Variants in ADGRB3 observed in about 807,000 individuals in gnomAD.
ADGRB3 encodes adhesion G protein-coupled receptor B3.
ADGRB3 carries 37 observed loss-of-function variants against 193.4 expected under a neutral mutation model. The observed-to-expected ratio is 0.19, with a 90% CI of 0.15 to 0.25. ADGRB3 has a LOEUF of 0.25. Among genes scored for constraint, ADGRB3 ranks in the 10% least tolerant of loss-of-function variants. ADGRB3 has a pLI of 1.00. For synonymous variants in ADGRB3, 690 were observed against 644.2 expected, an observed-to-expected ratio of 1.07 and a Z score of -1.08; for missense variants, 1,637 against 1,852.9, an observed-to-expected ratio of 0.88 and a Z score of 2.14.
chr6:69,156,971 G>C (rs897081613), intron 17 of ADGRB3, among the ~76,000 whole-genome samples: 1 of 152,188 alleles, frequency 6.6e-6, no homozygotes, highest in Non-Finnish European at 1.5e-5. Flanking sequence ...GCCTGAGCTT[G>C]CAAGTCAGAG....
At chr6:68,849,976 C>T (rs1163274373) in intron 3 of ADGRB3, among the ~76,000 whole-genome samples, 1 of 147,626 alleles carries the variant, frequency 6.8e-6, no homozygotes, top group Non-Finnish European at 1.5e-5. Flanking sequence ...TATTGGATTC[C>T]TGTTTAAAAT....
chr6:68,942,927 A>G (rs966213400), intron 5 of ADGRB3, among the ~76,000 whole-genome samples: 8 of 152,180 alleles, frequency 5.3e-5, no homozygotes, highest in South Asian at 2.1e-4. Flanking sequence ...CTGAATCTTC[A>G]TGGTCTTTTG....
At chr6:69,179,269 C>T (rs1775517067) in intron 17 of ADGRB3, among the ~76,000 whole-genome samples, 1 of 152,072 alleles carries the variant, frequency 6.6e-6, no homozygotes, top group African/African-American at 2.4e-5. Context: ...TTCTGCTTGG[C>T]CCAGTCTATT....
chr6:68,664,617 A>T (rs185491211), intron 3 of ADGRB3, among the ~76,000 whole-genome samples: 1 of 151,844 alleles, frequency 6.6e-6, no homozygotes, highest in Admixed American at 6.6e-5. Context: ...CACCAAGGCT[A>T]TTGTGCTCTG....
chr6:69,161,817 TG>T (rs1774994556), intron 17 of ADGRB3, among the ~76,000 whole-genome samples: 1 of 152,134 alleles, frequency 6.6e-6, no homozygotes, highest in Admixed American at 6.6e-5. Context: ...GGCTGTTAAC[TG>T]AAGACTTCCT....
chr6:68,947,904 A>G (rs1386303577), intron 6 of ADGRB3, among the ~76,000 whole-genome samples: 1 of 152,052 alleles, frequency 6.6e-6, no homozygotes, highest in Non-Finnish European at 1.5e-5. Context: ...TGAATTTGTT[A>G]CTCTTGAGAG....
intron 5 of ADGRB3, among the ~76,000 whole-genome samples, chr6:68,937,605 G>A (rs572499644): frequency 2.0e-5 from 3 of 152,232 alleles, no homozygotes; most frequent in South Asian, 4.1e-4. Flanking sequence ...CTTGCACTGC[G>A]GCAGCCTTTC....
intron 10 of ADGRB3, among the ~76,000 whole-genome samples, chr6:68,988,063 T>C (rs1033618540): frequency 6.6e-6 from 1 of 152,142 alleles, no homozygotes; most frequent in South Asian, 2.1e-4. Flanking sequence ...GAAAGTAAAA[T>C]AAAATCCTCC....
intron 13 of ADGRB3, among the ~76,000 whole-genome samples, chr6:69,045,229 A>G (rs1313246277): frequency 6.6e-6 from 1 of 152,190 alleles, no homozygotes; most frequent in East Asian, 1.9e-4. Context: ...AAAAGAAGTA[A>G]AAGTCATCTA....
chr6:69,086,779 A>T (rs1282724084), intron 17 of ADGRB3, among the ~76,000 whole-genome samples: 2 of 152,130 alleles, frequency 1.3e-5, no homozygotes, highest in Non-Finnish European at 2.9e-5. Context: ...TTAGGGTATG[A>T]GATATAGAGT....
In ADGRB3 at chr6:69,361,201, G is replaced by A. The variant is rs778021111; in HGVS notation, c.3928G>A (p.Val1310Met). The change falls in exon 29 of 32, where the codon GTG (valine) becomes ATG (methionine). Residue 1310 changes from valine to methionine, a missense_variant. Physicochemically the swap from Val to Met is conservative, Grantham distance 21. This residue lies in a region of ADGRB3 where 368 missense variants were observed against 367.4 expected (regional missense o/e 1.00). Coordinates refer to ENST00000370598, the MANE Select transcript of ADGRB3 (RefSeq NM_001704.3). Reference protein sequence around the residue: ...QERMMESDYIVMPRSSVNNQP... With the variant: ...QERMMESDYIMMPRSSVNNQP... The stretch of plus-strand genomic sequence containing the variant: ...AAGAATGATGGAAAGTGACTATATT[G>A]TGATGCCCAGAAGTTCTGTAAATAA... The A allele has an allele frequency of 1.2e-6, 2 of 1,612,452 alleles. No individual in the cohort carries two copies.
At chr6:69,011,000 G>T (rs1468985520) in intron 11 of ADGRB3, among the ~76,000 whole-genome samples, 1 of 151,790 alleles carries the variant, frequency 6.6e-6, no homozygotes, top group Non-Finnish European at 1.5e-5. Context: ...CAATCATGCG[G>T]CCTGAAATGT....
chr6:68,872,192 C>T (rs1374114749), intron 3 of ADGRB3, among the ~76,000 whole-genome samples: 1 of 152,098 alleles, frequency 6.6e-6, no homozygotes, highest in East Asian at 1.9e-4. Context: ...GTATTTGCAA[C>T]AGCTAATTAC....
chr6:69,211,579 C>T (rs1183082371), intron 17 of ADGRB3, among the ~76,000 whole-genome samples: 2 of 152,148 alleles, frequency 1.3e-5, no homozygotes, highest in Non-Finnish European at 2.9e-5. Flanking sequence ...GAGGCCAACT[C>T]TAACAAGTAG....
chr6:69,185,443 A>G (rs548660887), intron 17 of ADGRB3, among the ~76,000 whole-genome samples: 1 of 152,310 alleles, frequency 6.6e-6, no homozygotes, highest in East Asian at 1.9e-4. Flanking sequence ...GAAACACCAG[A>G]TTAGAGCAGA....
chr6:69,388,950 G>A lies in ADGRB3; in HGVS notation c.*59G>A. ...TTTATTGCACTGACACTTAAGACTT[G>A]GGAAGCCTGACATTTCTATCTGGAC... On this transcript the variant is annotated 3_prime_UTR_variant, in exon 32 of 32. Coordinates refer to ENST00000370598, the MANE Select transcript of ADGRB3 (RefSeq NM_001704.3). 1 of 1,503,012 alleles carries A rather than the reference G, an allele frequency of 6.7e-7. No individual in the cohort carries two copies. Among genetic ancestry groups the A allele is most frequent in the Non-Finnish European group, 9.0e-7 (1 of 1,112,952 alleles). The allele number at this position is 1,503,012 out of a possible 1,614,324, so 93.1% of individuals were successfully genotyped here.
At chr6:69,268,601 A>G (rs1281926464) in intron 20 of ADGRB3, among the ~76,000 whole-genome samples, 1 of 152,106 alleles carries the variant, frequency 6.6e-6, no homozygotes, top group African/African-American at 2.4e-5. Flanking sequence ...TGGGGGCCTG[A>G]GCCCTTTACT....
chr6:69,007,670 C>T (rs1435465509), intron 11 of ADGRB3, among the ~76,000 whole-genome samples: 1 of 109,436 alleles, frequency 9.1e-6, no homozygotes, highest in Non-Finnish European at 2.0e-5. Context: ...AAAGTAATCT[C>T]TCTCTCTCTC....
At chr6:69,138,767 C>A (rs985900441) in intron 17 of ADGRB3, among the ~76,000 whole-genome samples, 1 of 152,210 alleles carries the variant, frequency 6.6e-6, no homozygotes, top group Admixed American at 6.5e-5. Context: ...CATTGTAACG[C>A]TGCCGTTGAT....
Sources: gnomAD v4.1 joint callset for allele counts (sites outside exome capture counted in the v4.1 genomes callset) on GRCh38, gnomAD v4.1.1 for gene constraint, gnomAD v4.1.1 regional missense constraint, MANE v1.5 for transcripts, NCBI Gene and HGNC (gene_info 2026-07-23, HGNC 2026-07-21) for gene names.